Variants in TKFC observed in about 807,000 individuals in gnomAD.
The protein encoded by TKFC is triokinase and FMN cyclase.
Under a neutral mutation model 61.0 loss-of-function variants are expected in TKFC, and 46 were observed. The observed-to-expected ratio is 0.75, with a 90% confidence interval of 0.60 to 0.96. The LOEUF is 0.96. Ranked by LOEUF, TKFC falls within the 50% of genes least tolerant of loss-of-function variation. The pLI is 0.00. For missense variants in TKFC, 715 were observed against 777.5 expected (o/e 0.92, Z 0.96); for synonymous variants, 314 against 330.1 (o/e 0.95, Z 0.53).
intron 5 of TKFC, 28 bp from the exon 6 acceptor site, chr11:61,341,408 T>C: frequency 6.4e-7 from 1 of 1,551,518 alleles, no homozygotes. Flanking sequence ...CCCTCCCCCC[T>C]GGGGCTTTTA....
downstream of TKFC, chr11:61,350,750 A>G (rs2135098127): frequency 3.3e-6 from 2 of 606,072 alleles, no homozygotes; most frequent in East Asian, 2.9e-5. Flanking sequence ...ACAGAACCAC[A>G]GTGATTTGGG....
In TKFC at chr11:61,343,429, T is replaced by C; in HGVS notation, c.953T>C (p.Leu318Pro). 1 of 1,614,186 alleles carries C rather than the reference T, an allele frequency of 6.2e-7. No individual in the cohort carries two copies. The highest frequency in any genetic ancestry group is 8.5e-7 in the Non-Finnish European group (1 of 1,180,006). ...EMPGISLTLL[L>P]VDEPLLKLID... is the part of the protein sequence containing the mutation. ...CCTGGCATTTCTCTCACCCTCCTGC[T>C]GGTGGATGAGCCTCTCCTGAAACTG... Residue 318 changes from leucine to proline, a missense_variant, in exon 11 of 18, where the codon CTG becomes CCG. Leu to Pro is a moderately conservative substitution (Grantham distance 98). Transcript: ENST00000394900.
At chr11:61,345,224 A>G in intron 13 of TKFC, 36 bp from the exon 14 acceptor site, 1 of 1,481,974 alleles carries the variant, frequency 6.7e-7, no homozygotes, top group Middle Eastern at 1.8e-4. Context: ...TGGAGGGAGG[A>G]TCTCTGAATT....
chr11:61,344,021 G>A, intron 12 of TKFC, 46 bp downstream of exon 12: 1 of 1,606,316 alleles, frequency 6.2e-7, no homozygotes, highest in Non-Finnish European at 8.5e-7. Flanking sequence ...CCCAAAGGAT[G>A]CAGGAGTATA....
chr11:61,352,518 G>A (rs527604612), downstream of TKFC: 89 of 168,142 alleles, frequency 5.3e-4, no homozygotes, highest in South Asian at 1.3e-3. Context: ...AAAATTAGCC[G>A]GGCATGGTGG....
Position 61,346,162 on chromosome 11 carries a change from G to A in TKFC, c.1576-189G>A. The A allele has an allele frequency of 7.2e-7, 1 of 1,386,758 alleles. No homozygotes were observed. Among genetic ancestry groups the A allele is most frequent in the Non-Finnish European group, 9.6e-7 (1 of 1,039,776 alleles). The allele number at this position is 1,386,758 out of a possible 1,614,324, so 85.9% of individuals were successfully genotyped here. On this transcript the variant is annotated intron_variant, in intron 17 of 17. Transcript: ENST00000394900. The surrounding 1 kb of genome is among the most constrained non-coding windows in gnomAD (Gnocchi z 4.1). ...GGGATGTGACAGGGCCTCAGTGAAT[G>A]GTGACCCTTTTCCCTGCTGGAAGTA...
chr11:61,341,545 A>G (rs941600503), intron 6 of TKFC, 31 bp downstream of exon 6: 10 of 1,551,904 alleles, frequency 6.4e-6, no homozygotes, highest in Admixed American at 5.9e-5. Flanking sequence ...TGGGGAAGAG[A>G]GTGGGGAAGG....
downstream of TKFC, chr11:61,352,768 C>G (rs2135110877): frequency 7.2e-7 from 1 of 1,398,112 alleles, no homozygotes; most frequent in Non-Finnish European, 9.3e-7. Context: ...GTTTCTGACA[C>G]ACAGCAGGTG....
intron 6 of TKFC, 100 bp from the exon 7 acceptor site, chr11:61,341,723 G>A: frequency 2.3e-6 from 3 of 1,313,728 alleles, no homozygotes; most frequent in Non-Finnish European, 3.3e-6. Flanking sequence ...TCAGAGAAGA[G>A]GGTACCTGTG....
chr11:61,353,070 T>C, downstream of TKFC: 2 of 1,613,912 alleles, frequency 1.2e-6, no homozygotes, highest in African/African-American at 1.3e-5. Context: ...AAGACGTGGA[T>C]AGGTTTTAGG....
chr11:61,346,554 G>A lies in TKFC; in HGVS notation c.*51G>A, dbSNP rs1411639520. The stretch of plus-strand genomic sequence containing the variant: ...CAGCTCCTCTCACTGCTGTGCTGAG[G>A]TGGCCTTTGTCACTTCCTTCTGCCT... On this transcript the variant is annotated 3_prime_UTR_variant, in exon 18 of 18. Coordinates refer to ENST00000394900, the MANE Select transcript of TKFC (RefSeq NM_015533.4). The surrounding 1 kb of genome is among the most constrained non-coding windows in gnomAD (Gnocchi z 4.1). The A allele has an allele frequency of 6.7e-7, 1 of 1,493,726 alleles. No homozygotes were observed. The highest frequency in any genetic ancestry group is 1.2e-5 in the South Asian group (1 of 81,736). The allele number at this position is 1,493,726 out of a possible 1,614,324, so 92.5% of individuals were successfully genotyped here.
chr11:61,344,085 GGTT>G (rs1565055766), intron 12 of TKFC, 48 bp from the exon 13 acceptor site: 1 of 1,607,244 alleles, frequency 6.2e-7, no homozygotes, highest in Admixed American at 1.7e-5. Flanking sequence ...AGTCAAGTGT[GGTT>G]GTGAGAAGGG....
chr11:61,350,841 C>T, downstream of TKFC: 4 of 1,155,164 alleles, frequency 3.5e-6, no homozygotes, highest in South Asian at 6.8e-5. Flanking sequence ...CCAGTGCTCC[C>T]CATCAGCCAC....
At chr11:61,343,679 C>A in intron 11 of TKFC, 177 bp from the exon 12 acceptor site, 1 of 1,009,440 alleles carries the variant, frequency 9.9e-7, no homozygotes, top group Non-Finnish European at 1.5e-6. Context: ...TTCCCAGGGA[C>A]CCTCTCTCCA....
At position 61,345,321 on chromosome 11, in the gene TKFC, G is replaced by A. The variant is rs192976699; in HGVS notation, c.1302G>A (p.Lys434=). 2.7e-5 allele frequency: 43 copies of A among 1,605,336 alleles called. No homozygotes were observed. The Middle Eastern group carries it at 5.0e-4, about 19-fold the overall frequency. ...CCAGCCCTGCCCAGCTGCTCTCCAA[G>A]TTGTCTGTCCTGCTCCTGGAGAAGA... ...PPASPAQLLS[K]LSVLLLEKMG... The change falls in exon 14 of 18, where the codon AAG becomes AAA. Residue 434 remains lysine, a synonymous_variant. Coordinates refer to ENST00000394900, the MANE Select transcript of TKFC (RefSeq NM_015533.4).
Position 61,346,817 on chromosome 11 carries a change from C to T in TKFC, c.*314C>T, listed in dbSNP as rs1042213602. ...TTTTCCTTGTGCAGCCTTTACCTGG[C>T]AATCCTAATTTGGTTTTAAGACTCC... On this transcript the variant is annotated 3_prime_UTR_variant, in exon 18 of 18. Transcript: ENST00000394900. The surrounding 1 kb of genome is among the most constrained non-coding windows in gnomAD (Gnocchi z 4.1). 8.9e-7 allele frequency: 1 copy of T among 1,118,948 alleles called. No individual in the cohort carries two copies. 69.3% of individuals were successfully genotyped at this position (1,118,948 alleles called of 1,614,324 possible).
At chr11:61,342,240 G>T in intron 7 of TKFC, 1 of 635,568 alleles carries the variant, frequency 1.6e-6, no homozygotes, top group Non-Finnish European at 2.8e-6. Context: ...TTCTTTCCTC[G>T]CCTGTGCTTC....
chr11:61,352,609 C>T (rs1042014820), downstream of TKFC: 6 of 250,602 alleles, frequency 2.4e-5, no homozygotes, highest in Non-Finnish European at 4.3e-5. Context: ...TGCAGCGAGC[C>T]AAGATTGTGC....
chr11:61,334,590 C>G (rs534802073), intron 1 of TKFC, 30 bp from the exon 2 acceptor site: 42 of 1,127,418 alleles, frequency 3.7e-5, no homozygotes, highest in South Asian at 3.3e-4. Flanking sequence ...GAGTTCCTTC[C>G]GCAGCTTGTA....
Sources: allele counts gnomAD v4.1 joint callset, GRCh38; gene constraint gnomAD v4.1.1; non-coding constraint Gnocchi (gnomAD v3.1); transcripts MANE v1.5; gene names NCBI Gene and HGNC (gene_info 2026-07-23, HGNC 2026-07-21).